Variants in RASSF3 observed in about 807,000 individuals in gnomAD.
RASSF3 encodes ras association domain-containing protein 3.
RASSF3 carries 19 observed loss-of-function variants against 19.9 expected under a neutral mutation model. The observed-to-expected ratio is 0.96, with a 90% CI of 0.67 to 1.40. The LOEUF is 1.40. RASSF3 is among the 40% of genes most tolerant of loss of function. The pLI, the probability that RASSF3 is intolerant of heterozygous loss-of-function variation, is 0.00. For synonymous variants in RASSF3, 110 were observed against 104.2 expected, an observed-to-expected ratio of 1.06 and a Z score of -0.34; for missense variants, 306 against 289.8, an observed-to-expected ratio of 1.06 and a Z score of -0.41.
intron 1 of RASSF3, among the ~76,000 whole-genome samples, chr12:64,512,499 A>C (rs891181268): frequency 6.6e-6 from 1 of 152,170 alleles, no homozygotes; most frequent in African/African-American, 2.4e-5. Context: ...AGCTTGAAAC[A>C]AATAAGAAAC....
intron 4 of RASSF3, among the ~76,000 whole-genome samples, chr12:64,693,593 A>G (rs886411256): frequency 3.3e-5 from 5 of 151,888 alleles, no homozygotes; most frequent in Admixed American, 2.0e-4. Context: ...TAATTTTTAA[A>G]TTTTTTGTAG....
At chr12:64,549,628 GT>G (rs1256494888) in intron 2 of RASSF3, among the ~76,000 whole-genome samples, 2 of 152,160 alleles carry the variant, frequency 1.3e-5, no homozygotes, top group Non-Finnish European at 2.9e-5. Context: ...GAAAGCACCT[GT>G]AGCAAGGCCT....
At chr12:64,650,335 G>A (rs938588226) in intron 1 of RASSF3, among the ~76,000 whole-genome samples, 2 of 151,948 alleles carry the variant, frequency 1.3e-5, no homozygotes, top group African/African-American at 4.8e-5. Context: ...GTCCTTGATA[G>A]GACCTTTGTG....
At chr12:64,675,031 A>G (rs1264485) in intron 1 of RASSF3, among the ~76,000 whole-genome samples, 39,333 of 131,258 alleles carry the variant, frequency 0.3, 7,075 homozygotes, top group Non-Finnish European at 0.38. Flanking sequence ...GAAGTTGTCT[A>G]AAATACCCAC....
chr12:64,593,091 C>A (rs1565845490), intron 2 of RASSF3, among the ~76,000 whole-genome samples: 2 of 152,150 alleles, frequency 1.3e-5, no homozygotes, highest in South Asian at 4.1e-4. Flanking sequence ...AAACACATTA[C>A]ATTCACACAT....
At chr12:64,551,997 A>G (rs762528107) in intron 2 of RASSF3, among the ~76,000 whole-genome samples, 22 of 152,260 alleles carry the variant, frequency 1.4e-4, no homozygotes, top group Non-Finnish European at 2.4e-4. Flanking sequence ...AAAAGCCATC[A>G]GAAAACCCCT....
chr12:64,641,184 T>C (rs1486987079), intron 1 of RASSF3, among the ~76,000 whole-genome samples: 1 of 149,414 alleles, frequency 6.7e-6, no homozygotes, highest in African/African-American at 2.5e-5. Context: ...TCCCTTGAGC[T>C]CAGGAGTTGG....
intron 1 of RASSF3, among the ~76,000 whole-genome samples, chr12:64,632,403 A>T (rs182723925): frequency 1.2e-4 from 18 of 152,298 alleles, no homozygotes; most frequent in Non-Finnish European, 2.2e-4. Context: ...CTATGATTTT[A>T]AAACTGACAG....
chr12:64,647,688 G>A (rs1871788383), intron 1 of RASSF3, among the ~76,000 whole-genome samples: 1 of 151,988 alleles, frequency 6.6e-6, no homozygotes, highest in Admixed American at 6.6e-5. Flanking sequence ...TGGGATTACA[G>A]GCATGAACCA....
rs375162234 is a variant in RASSF3 at position 64,676,103 on chromosome 12, A to G, written c.112-8684A>G. ...CAAGCAGCACACTGTACTTTTAAGG[A>G]CAAGAACAGCAGCACCAAACACCCC... On this transcript the variant is annotated intron_variant, in intron 1 of 4. Coordinates refer to ENST00000542104, the MANE Select transcript of RASSF3 (RefSeq NM_178169.4). Among the ~76,000 whole-genome samples, 27 of 152,088 alleles carry G rather than the reference A, an allele frequency of 1.8e-4. No homozygotes were observed. In the East Asian group the frequency reaches 4.3e-3, roughly 24 times the overall value.
chr12:64,520,441 G>A lies in RASSF3; in HGVS notation c.169+13112G>A, dbSNP rs1039093263. Reference sequence around the variant, plus strand: ...CTCCCAAAGTGCTGGGATTACAGGCGTGAGCCACCGCGCCGGCTAATTTCT... The same window carrying A: ...CTCCCAAAGTGCTGGGATTACAGGCATGAGCCACCGCGCCGGCTAATTTCT... On this transcript the variant is annotated intron_variant, in intron 1 of 5. Transcript: ENST00000637125. Among the ~76,000 whole-genome samples the A allele has an allele frequency of 4.6e-5, 7 of 151,634 alleles. No individual in the cohort carries two copies. In the South Asian group the frequency reaches 1.2e-3, roughly 27 times the overall value.
At chr12:64,559,342 C>T (rs1869308832) in intron 2 of RASSF3, among the ~76,000 whole-genome samples, 1 of 151,262 alleles carries the variant, frequency 6.6e-6, no homozygotes, top group Non-Finnish European at 1.5e-5. Context: ...CTCCCGGGTT[C>T]ATGCCATTCT....
At chr12:64,655,037 C>T (rs984424456) in intron 1 of RASSF3, 2 of 152,136 alleles carry the variant, frequency 1.3e-5, no homozygotes, top group Admixed American at 6.5e-5. Flanking sequence ...GTACGTATCC[C>T]AAGACAAATC....
chr12:64,687,453 TTTTTG>T (rs974782263), intron 2 of RASSF3, among the ~76,000 whole-genome samples: 3 of 151,900 alleles, frequency 2.0e-5, no homozygotes, highest in African/African-American at 7.3e-5. Flanking sequence ...AATTTGTTTT[TTTTTG>T]TTTTGTTTTG....
At chr12:64,510,523 A>G (rs530913125) in intron 1 of RASSF3, among the ~76,000 whole-genome samples, 7 of 152,202 alleles carry the variant, frequency 4.6e-5, no homozygotes, top group Non-Finnish European at 1.0e-4. Flanking sequence ...TTGAAAACAT[A>G]AATGGCCTCA....
intron 1 of RASSF3, among the ~76,000 whole-genome samples, chr12:64,676,202 C>T (rs1408567263): frequency 4.5e-5 from 5 of 112,180 alleles, no homozygotes; most frequent in Admixed American, 2.4e-4. Flanking sequence ...GACGGAGTTT[C>T]GCTCTTGTTG....
At chr12:64,636,317 G>A (rs1038419761) in intron 1 of RASSF3, among the ~76,000 whole-genome samples, 3 of 151,810 alleles carry the variant, frequency 2.0e-5, no homozygotes, top group African/African-American at 7.3e-5. Context: ...GTTTTGCCAT[G>A]TTGCCAGGCT....
intron 2 of RASSF3, among the ~76,000 whole-genome samples, chr12:64,572,447 C>T (rs1037229487): frequency 3.3e-5 from 5 of 152,078 alleles, no homozygotes; most frequent in African/African-American, 1.2e-4. Context: ...TGCTGGTACC[C>T]TGATCTTGGA....
At chr12:64,541,052 G>C (rs1217060655) in intron 1 of RASSF3, among the ~76,000 whole-genome samples, 1 of 149,880 alleles carries the variant, frequency 6.7e-6, no homozygotes, top group African/African-American at 2.5e-5. Context: ...AGCACTTTGG[G>C]ATTACACTTG....
Sources: gnomAD v4.1 joint callset for allele counts (sites outside exome capture counted in the v4.1 genomes callset) on GRCh38, gnomAD v4.1.1 for gene constraint, MANE v1.5 for transcripts, NCBI Gene and HGNC (gene_info 2026-07-23, HGNC 2026-07-21) for gene names.